Variants in HS6ST2 observed in about 807,000 individuals in gnomAD.
HS6ST2 encodes the protein heparan sulfate 6-O-sulfotransferase 2, also known as heparan-sulfate 6-O-sulfotransferase 2.
Under a neutral mutation model 33.0 loss-of-function variants are expected in HS6ST2, and 17 were observed. The observed-to-expected ratio is 0.52, with a 90% CI of 0.35 to 0.77. The LOEUF is 0.77. Among genes scored for constraint, HS6ST2 ranks in the 30% least tolerant of loss-of-function variants. The pLI is 0.01. For missense variants in HS6ST2, 519 were observed against 551.7 expected (o/e 0.94, Z 0.59); for synonymous variants, 248 against 237.1 (o/e 1.05, Z -0.42).
At chrX:132,885,189 A>T (rs993552370) in intron 2 of HS6ST2, among the ~76,000 whole-genome samples, 3 of 111,917 alleles carry the variant, frequency 2.7e-5, no homozygotes, top group Non-Finnish European at 5.6e-5. Context: ...AAAGGAATGA[A>T]GCAATGATTC....
At chrX:132,826,992 TA>T (rs1382697061) in intron 2 of HS6ST2, among the ~76,000 whole-genome samples, 1 of 111,356 alleles carries the variant, frequency 9.0e-6, no homozygotes, top group Non-Finnish European at 1.9e-5. Context: ...GGCGAAATAC[TA>T]AAATAAAATA....
chrX:132,939,650 T>A (rs1365883439), intron 2 of HS6ST2, among the ~76,000 whole-genome samples: 1 of 111,321 alleles, frequency 9.0e-6, no homozygotes, highest in Non-Finnish European at 1.9e-5. Flanking sequence ...AACTATCTTT[T>A]TATATAGTAG....
intron 2 of HS6ST2, among the ~76,000 whole-genome samples, chrX:132,953,038 T>C (rs1483530227): frequency 1.8e-5 from 2 of 111,537 alleles, no homozygotes; most frequent in African/African-American, 6.5e-5. Flanking sequence ...GCCAGCATGA[T>C]ACTTAGTGAT....
intron 4 of HS6ST2, among the ~76,000 whole-genome samples, chrX:132,645,267 G>A (rs1470326291): frequency 8.9e-6 from 1 of 112,870 alleles, no homozygotes; most frequent in Non-Finnish European, 1.9e-5. Flanking sequence ...ATTTCAGGCA[G>A]CAGTAGGGCA....
intron 2 of HS6ST2, among the ~76,000 whole-genome samples, chrX:132,856,634 T>C (rs375130473): frequency 1.8e-5 from 2 of 111,736 alleles, no homozygotes; most frequent in East Asian, 5.6e-4. Flanking sequence ...AGATAATTAT[T>C]ATTAATAAAC....
chrX:132,943,101 A>C lies in HS6ST2; in HGVS notation c.947+13707T>G, dbSNP rs2066905126. Reference sequence around the variant, plus strand: ...ACGGGAAAAAAGAGCTGCAGAGTTCACCTTGAAAGAGTGACTTTTATTAAA... The same window carrying C: ...ACGGGAAAAAAGAGCTGCAGAGTTCCCCTTGAAAGAGTGACTTTTATTAAA... On this transcript the variant is annotated intron_variant, in intron 2 of 4. Coordinates refer to ENST00000370833, the MANE Select transcript of HS6ST2 (RefSeq NM_001394073.1). Among the ~76,000 whole-genome samples, 3 of 112,232 alleles carry C rather than the reference A, an allele frequency of 2.7e-5. No homozygotes were observed. The South Asian group carries it at 1.1e-3, about 42-fold the overall frequency.
At chrX:132,844,138 T>C (rs1002688843) in intron 2 of HS6ST2, among the ~76,000 whole-genome samples, 2 of 111,994 alleles carry the variant, frequency 1.8e-5, no homozygotes, top group African/African-American at 6.5e-5. Flanking sequence ...ACACATCTTC[T>C]AGAGAGGTGG....
At chrX:132,955,599 G>A (rs1461046876) in intron 2 of HS6ST2, among the ~76,000 whole-genome samples, 2 of 111,731 alleles carry the variant, frequency 1.8e-5, no homozygotes, top group South Asian at 3.8e-4. Context: ...TGTCCTTGCC[G>A]GCCCAGAGAC....
In HS6ST2 at chrX:132,754,665, C is replaced by T. The variant is rs1024182540; in HGVS notation, c.948-46171G>A. Among the ~76,000 whole-genome samples the T allele has an allele frequency of 1.4e-4, 15 of 109,425 alleles. No homozygotes were observed. The Admixed American group carries it at 1.4e-3, about 10-fold the overall frequency. ...ATCTCTGACCTCATGATCTGCCCAC[C>T]TCGGCCTCCCAAAGTGCTGGGATTA... On this transcript the variant is annotated intron_variant, in intron 2 of 4. Transcript: ENST00000370833.
intron 2 of HS6ST2, among the ~76,000 whole-genome samples, chrX:132,756,820 G>GGT (rs3065679): frequency 0.15 from 14,808 of 97,076 alleles, 971 homozygotes; most frequent in Admixed American, 0.27. Flanking sequence ...CCCTGTGCAT[G>GGT]GTGTGTGTGT....
intron 2 of HS6ST2, among the ~76,000 whole-genome samples, chrX:132,826,988 A>C (rs5975358): frequency 0.014 from 1,601 of 111,308 alleles, 39 homozygotes; most frequent in African/African-American, 0.05. Flanking sequence ...CCTTGGCGAA[A>C]TACTAAAATA....
At chrX:132,708,979 T>C (rs941367449) in intron 2 of HS6ST2, among the ~76,000 whole-genome samples, 1 of 112,078 alleles carries the variant, frequency 8.9e-6, no homozygotes, top group African/African-American at 3.2e-5. Flanking sequence ...AAAGAACAAT[T>C]AAACTTTACT....
At chrX:132,916,536 G>A (rs1402617521) in intron 2 of HS6ST2, among the ~76,000 whole-genome samples, 1 of 112,096 alleles carries the variant, frequency 8.9e-6, no homozygotes, top group East Asian at 2.8e-4. Flanking sequence ...TCAGCAGAGT[G>A]TTATGGGTAG....
At chrX:132,864,424 G>T (rs1164426351) in intron 2 of HS6ST2, among the ~76,000 whole-genome samples, 1 of 107,693 alleles carries the variant, frequency 9.3e-6, no homozygotes, top group Non-Finnish European at 1.9e-5. Context: ...TGATGGAGCT[G>T]AAAACACAGC....
chrX:132,680,377 A>G (rs978048352), intron 3 of HS6ST2, among the ~76,000 whole-genome samples: 1 of 110,830 alleles, frequency 9.0e-6, no homozygotes, highest in Non-Finnish European at 1.9e-5. Flanking sequence ...GTTTTGAGCT[A>G]TGTTGAGTTT....
intron 2 of HS6ST2, among the ~76,000 whole-genome samples, chrX:132,885,075 T>C (rs891064202): frequency 4.5e-5 from 5 of 112,036 alleles, no homozygotes; most frequent in African/African-American, 1.6e-4. Context: ...ATAGCAGCAT[T>C]ATCCACAACA....
At chrX:132,702,017 T>G (rs1055823964) in intron 3 of HS6ST2, among the ~76,000 whole-genome samples, 1 of 112,477 alleles carries the variant, frequency 8.9e-6, no homozygotes, top group Admixed American at 9.4e-5. Context: ...TTTAAGTTCC[T>G]GTGACATTTA....
chrX:132,773,517 C>T (rs953387198), intron 2 of HS6ST2, among the ~76,000 whole-genome samples: 2 of 110,731 alleles, frequency 1.8e-5, no homozygotes, highest in Admixed American at 9.8e-5. Flanking sequence ...ACCCAAAAAC[C>T]TCTATATGAA....
intron 2 of HS6ST2, among the ~76,000 whole-genome samples, chrX:132,937,406 G>C (rs2066835790): frequency 9.0e-6 from 1 of 111,654 alleles, no homozygotes; most frequent in East Asian, 2.8e-4. Flanking sequence ...TGAGCAAAAA[G>C]GACAACGCTG....
Sources: allele counts gnomAD v4.1 joint callset (sites outside exome capture counted in the v4.1 genomes callset), GRCh38; gene constraint gnomAD v4.1.1; transcripts MANE v1.5; gene names NCBI Gene and HGNC (gene_info 2026-07-23, HGNC 2026-07-21).